Variants in PAK4 observed in about 807,000 individuals in gnomAD.
PAK4 encodes serine/threonine-protein kinase PAK 4.
In PAK4, 49 loss-of-function variants were observed where a neutral mutation model predicts 53.5. The ratio of observed to expected loss-of-function variants is 0.92; its 90% CI spans 0.73 to 1.16. PAK4 has a LOEUF of 1.16. Among genes scored for constraint, PAK4 ranks in the 50% most tolerant of loss-of-function variants. The pLI is 0.00. For synonymous variants in PAK4, 376 were observed against 375.6 expected, an observed-to-expected ratio of 1.00 and a Z score of -0.01; for missense variants, 824 against 850.7, an observed-to-expected ratio of 0.97 and a Z score of 0.39.
intron 1 of PAK4, among the ~76,000 whole-genome samples, chr19:39,151,455 T>TCCAGTG (rs1600347959): frequency 6.6e-6 from 1 of 152,244 alleles, no homozygotes; most frequent in East Asian, 1.9e-4. Context: ...TTGGCAGTGG[T>TCCAGTG]GAACTTCACT....
Position 39,175,486 on chromosome 19 carries a change from G to T in PAK4, c.1359+48G>T. The T allele has an allele frequency of 2.6e-6, 4 of 1,547,228 alleles. No individual in the cohort carries two copies. The East Asian group carries it at 6.9e-5, about 27-fold the overall frequency. On this transcript the variant is annotated intron_variant, in intron 6 of 8. Transcript: ENST00000358301. This position sits in a 1 kb window ranked among gnomAD's most constrained non-coding sequence, Gnocchi z 4.7. ...ACGGGGGCGGCAGGTTTCCGGCTGCGGGGCTTCCCTGCCTCTTCCCATCCC... is the reference window on the plus strand; with the variant it reads ...ACGGGGGCGGCAGGTTTCCGGCTGCTGGGCTTCCCTGCCTCTTCCCATCCC...
In PAK4 at chr19:39,175,494, C is replaced by T; in HGVS notation, c.1359+56C>T. 1 of 1,522,688 alleles carries T rather than the reference C, an allele frequency of 6.6e-7. No individual in the cohort carries two copies. Among genetic ancestry groups the T allele is most frequent in the Non-Finnish European group, 8.9e-7 (1 of 1,121,240 alleles). 94.3% of individuals were successfully genotyped at this position (1,522,688 alleles called of 1,614,324 possible). A position where few individuals can be genotyped will look rare whatever the true frequency, so the allele number is the denominator to read the frequency against. ...GGCAGGTTTCCGGCTGCGGGGCTTC[C>T]CTGCCTCTTCCCATCCCCTGTGAGG... On this transcript the variant is annotated intron_variant, in intron 6 of 8. Coordinates refer to ENST00000358301, the Ensembl canonical transcript of PAK4. This position sits in a 1 kb window ranked among gnomAD's most constrained non-coding sequence, Gnocchi z 4.7.
chr19:39,171,625 C>T (rs1568524960), intron 2 of PAK4, among the ~76,000 whole-genome samples: 2 of 152,234 alleles, frequency 1.3e-5, no homozygotes, highest in African/African-American at 2.4e-5. Flanking sequence ...CGGCAGACCA[C>T]GGATTTTGTG....
At chr19:39,152,123 C>T (rs1310182014) in intron 1 of PAK4, 5 of 148,728 alleles carry the variant, frequency 3.4e-5, no homozygotes, top group African/African-American at 7.4e-5. Flanking sequence ...TTTGTAGAGA[C>T]GAGGTCTCCC....
intron 1 of PAK4, among the ~76,000 whole-genome samples, chr19:39,140,868 G>A (rs1158906121): frequency 6.6e-6 from 1 of 152,140 alleles, no homozygotes; most frequent in African/African-American, 2.4e-5. Flanking sequence ...GCCTCCCAGG[G>A]TTGCTGGGAG....
intron 1 of PAK4, among the ~76,000 whole-genome samples, chr19:39,141,988 T>TTTTTG (rs1555775379): frequency 6.6e-6 from 1 of 152,126 alleles, no homozygotes; most frequent in Non-Finnish European, 1.5e-5. Context: ...AGGCCTCTTT[T>TTTTTG]TTTTGTTTTG....
Position 39,176,514 on chromosome 19 carries a change from T to A in PAK4, c.1360-76T>A, listed in dbSNP as rs1280757309. ...GCACATTGTGTCTGAAGCCAAGGAA[T>A]GACGCAGGCAGACGCCCCTGCTCGC... On this transcript the variant is annotated intron_variant, in intron 6 of 8. Coordinates refer to ENST00000358301, the Ensembl canonical transcript of PAK4. 9 of 1,587,874 alleles carry A rather than the reference T, an allele frequency of 5.7e-6. No homozygotes were observed. The East Asian group carries it at 1.8e-4, about 32-fold the overall frequency.
chr19:39,137,675 T>G (rs539958954), intron 1 of PAK4, among the ~76,000 whole-genome samples: 7 of 152,030 alleles, frequency 4.6e-5, no homozygotes, highest in African/African-American at 1.4e-4. Context: ...TTTCCTTTTT[T>G]TTTTTTTTTG....
intron 1 of PAK4, among the ~76,000 whole-genome samples, chr19:39,129,137 G>C (rs2073649973): frequency 6.6e-6 from 1 of 152,082 alleles, no homozygotes; most frequent in Non-Finnish European, 1.5e-5. Flanking sequence ...CTTAACTCCT[G>C]GGCTCAAGCT....
intron 1 of PAK4, among the ~76,000 whole-genome samples, chr19:39,133,857 T>TC (rs1158632209): frequency 6.6e-6 from 1 of 152,176 alleles, no homozygotes; most frequent in East Asian, 1.9e-4. Context: ...AGGCGGCCGG[T>TC]CTTCCTGGGC....
chr19:39,136,222 T>C (rs1488830889), intron 1 of PAK4, among the ~76,000 whole-genome samples: 4 of 149,614 alleles, frequency 2.7e-5, no homozygotes, highest in African/African-American at 9.9e-5. Context: ...CCCTGCTCCC[T>C]TCTCCCCCAC....
At chr19:39,147,956 T>C (rs61695925) in intron 1 of PAK4, among the ~76,000 whole-genome samples, 52 of 76,400 alleles carry the variant, frequency 6.8e-4, no homozygotes, top group Non-Finnish European at 1.4e-3. Context: ...TTCTCTCTCT[T>C]TTTTTTTTTT....
chr19:39,126,434 T>C (rs1468232487), intron 1 of PAK4, among the ~76,000 whole-genome samples: 4 of 22,906 alleles, frequency 1.7e-4, no homozygotes, highest in Non-Finnish European at 2.4e-4. Context: ...GGAGGGCGTA[T>C]TGCGGGGGAC....
intron 1 of PAK4, among the ~76,000 whole-genome samples, chr19:39,154,710 T>C (rs692257): frequency 0.62 from 94,597 of 152,022 alleles, 29,617 homozygotes; most frequent in East Asian, 0.82. Flanking sequence ...CCAATCCCCA[T>C]CCACTCCCCG....
intron 1 of PAK4, among the ~76,000 whole-genome samples, chr19:39,135,724 C>T (rs973867816): frequency 5.9e-5 from 9 of 151,972 alleles, no homozygotes; most frequent in South Asian, 2.1e-4. Flanking sequence ...GAGCTCAGTC[C>T]AGTGGGAACA....
rs761093532 is a variant in PAK4, at chr19:39,169,803, G to T, written c.204+46G>T. The T allele has an allele frequency of 1.5e-5, 16 of 1,056,468 alleles. No homozygotes were observed. In the South Asian group the frequency reaches 1.7e-4, roughly 11 times the overall value. The allele number at this position is 1,056,468 out of a possible 1,614,324, so 65.4% of individuals were successfully genotyped here. ...CCTCCCCCAGCCCACCCCAACCCCC[G>T]AGTGGCCCTGGCCCTCAACCCCACA... On this transcript the variant is annotated intron_variant, in intron 2 of 8. Transcript: ENST00000358301.
At chr19:39,165,556 T>TAAATAAATAA (rs761595959) in intron 1 of PAK4, among the ~76,000 whole-genome samples, 9,234 of 123,370 alleles carry the variant, frequency 0.075, 447 homozygotes, top group East Asian at 0.24. Context: ...ATAAATAAAA[T>TAAATAAATAA]AATAATAGAC....
intron 1 of PAK4, among the ~76,000 whole-genome samples, chr19:39,143,259 A>G (rs2073939078): frequency 1.4e-5 from 2 of 147,432 alleles, no homozygotes; most frequent in South Asian, 4.5e-4. Context: ...AGTGCATATT[A>G]AGGAGTCGTT....
chr19:39,158,707 C>T (rs1017982863), intron 1 of PAK4, among the ~76,000 whole-genome samples: 1 of 152,148 alleles, frequency 6.6e-6, no homozygotes, highest in Non-Finnish European at 1.5e-5. Flanking sequence ...AGCATCATCT[C>T]TTCGTTGAGC....
Sources: allele counts gnomAD v4.1 joint callset (sites outside exome capture counted in the v4.1 genomes callset), GRCh38; gene constraint gnomAD v4.1.1; non-coding constraint Gnocchi (gnomAD v3.1); transcripts MANE v1.5; gene names NCBI Gene and HGNC (gene_info 2026-07-23, HGNC 2026-07-21).